Variants in PDE1A observed in about 807,000 individuals in gnomAD.
PDE1A encodes dual specificity calcium/calmodulin-dependent 3',5'-cyclic nucleotide phosphodiesterase 1A.
Under a neutral mutation model 61.7 loss-of-function variants are expected in PDE1A, and 35 were observed. The ratio of observed to expected loss-of-function variants is 0.57; its 90% CI spans 0.43 to 0.75. PDE1A has a LOEUF of 0.75. Among genes scored for constraint, PDE1A ranks in the 30% least tolerant of loss-of-function variants. PDE1A has a pLI of 0.00. For missense variants in PDE1A, 597 were observed against 630.6 expected, an observed-to-expected ratio of 0.95 and a Z score of 0.57; for synonymous variants, 232 against 213.2, an observed-to-expected ratio of 1.09 and a Z score of -0.77.
intron 2 of PDE1A, among the ~76,000 whole-genome samples, chr2:182,466,426 G>T (rs1245716306): frequency 6.6e-6 from 1 of 151,944 alleles, no homozygotes; most frequent in Non-Finnish European, 1.5e-5. Flanking sequence ...CCACCTCTCT[G>T]GGCTTTAGTT....
At chr2:182,607,005 C>T in the PDE1A span, among the ~76,000 whole-genome samples, 1 of 151,916 alleles carries the variant, frequency 6.6e-6, no homozygotes, top group Non-Finnish European at 1.5e-5. Context: ...CCCTGATGGT[C>T]TAGAATTAAG....
At chr2:182,223,416 C>T (rs556946306) in intron 7 of PDE1A, among the ~76,000 whole-genome samples, 1 of 152,100 alleles carries the variant, frequency 6.6e-6, no homozygotes, top group South Asian at 2.1e-4. Flanking sequence ...ATTTCATTTT[C>T]TAGTTATTTT....
intron 7 of PDE1A, among the ~76,000 whole-genome samples, chr2:182,207,570 A>G (rs1348508372): frequency 6.6e-6 from 1 of 152,256 alleles, no homozygotes; most frequent in Non-Finnish European, 1.5e-5. Flanking sequence ...AGCAGAGCAT[A>G]AAAGTTTAAA....
At chr2:182,381,978 T>G (rs1700764895) in intron 1 of PDE1A, among the ~76,000 whole-genome samples, 1 of 152,080 alleles carries the variant, frequency 6.6e-6, no homozygotes, top group Non-Finnish European at 1.5e-5. Context: ...TATACATTTC[T>G]GTAACAATTA....
At position 182,284,709 on chromosome 2, in the gene PDE1A, T is replaced by C. The variant is rs534628751; in HGVS notation, c.54-20295A>G. Among the ~76,000 whole-genome samples the C allele has an allele frequency of 2.0e-5, 3 of 152,108 alleles. No individual in the cohort carries two copies. The South Asian group carries it at 6.2e-4, about 32-fold the overall frequency. On this transcript the variant is annotated intron_variant, in intron 1 of 13. Transcript: ENST00000351439. ...TTAATAATAAGGACATAATATAAAATCCCCCTAAATTTTTAATCTTTTCTT... is the reference window on the plus strand; with the variant it reads ...TTAATAATAAGGACATAATATAAAACCCCCCTAAATTTTTAATCTTTTCTT...
intron 2 of PDE1A, among the ~76,000 whole-genome samples, chr2:182,442,250 T>A (rs1440670937): frequency 6.6e-6 from 1 of 151,974 alleles, no homozygotes; most frequent in Non-Finnish European, 1.5e-5. Flanking sequence ...ATACCAAACA[T>A]AACCAAAGTG....
At chr2:182,513,933 A>C (rs1388994905) in intron 2 of PDE1A, among the ~76,000 whole-genome samples, 1 of 152,256 alleles carries the variant, frequency 6.6e-6, no homozygotes, top group Non-Finnish European at 1.5e-5. Context: ...TGGAGCATCC[A>C]GATTCATAAA....
intron 2 of PDE1A, among the ~76,000 whole-genome samples, chr2:182,253,770 T>G (rs1006281008): frequency 6.6e-6 from 1 of 151,992 alleles, no homozygotes; most frequent in African/African-American, 2.4e-5. Flanking sequence ...AAGAGAAAAA[T>G]AGATGTTTGA....
chr2:182,244,134 T>C (rs2125704267), intron 2 of PDE1A, among the ~76,000 whole-genome samples: 1 of 152,328 alleles, frequency 6.6e-6, no homozygotes, highest in African/African-American at 2.4e-5. Context: ...CCCAAAGTGC[T>C]GGGATTACAG....
chr2:182,314,988 G>A (rs1696243137), intron 1 of PDE1A, among the ~76,000 whole-genome samples: 1 of 152,094 alleles, frequency 6.6e-6, no homozygotes, highest in African/African-American at 2.4e-5. Context: ...GTAAAGGTGA[G>A]GGTTTAGGGG....
chr2:182,278,676 G>A (rs1693605434), intron 1 of PDE1A, among the ~76,000 whole-genome samples: 1 of 151,938 alleles, frequency 6.6e-6, no homozygotes, highest in African/African-American at 2.4e-5. Context: ...AGTGATTCAT[G>A]TTGGTCCAAA....
Position 182,170,435 on chromosome 2 carries a change from C to T in PDE1A, c.1517-2145G>A, listed in dbSNP as rs113337549. On this transcript the variant is annotated intron_variant, in intron 13 of 13. Transcript: ENST00000351439. The stretch of plus-strand genomic sequence containing the variant: ...TTGTAAGCTCATTGGATAAATTGTG[C>T]TAAGATTAAACAGAAGTAGATTTGA... 1.7e-3 allele frequency among the ~76,000 whole-genome samples: 261 copies of T among 151,694 alleles called. 2 individuals are homozygous for T. The highest frequency in any genetic ancestry group is 0.014 in the Middle Eastern group (4 of 292).
At chr2:182,302,109 T>C (rs1695282048) in intron 1 of PDE1A, among the ~76,000 whole-genome samples, 1 of 152,150 alleles carries the variant, frequency 6.6e-6, no homozygotes, top group Non-Finnish European at 1.5e-5. Flanking sequence ...TGGATATTAA[T>C]AGTGGTAGGC....
intron 2 of PDE1A, among the ~76,000 whole-genome samples, chr2:182,501,571 C>T (rs769370047): frequency 6.6e-6 from 1 of 152,194 alleles, no homozygotes; most frequent in Non-Finnish European, 1.5e-5. Context: ...AATAAAATCT[C>T]CTACCATATA....
At chr2:182,377,459 C>G (rs1006054000) in intron 1 of PDE1A, among the ~76,000 whole-genome samples, 2 of 152,212 alleles carry the variant, frequency 1.3e-5, no homozygotes, top group African/African-American at 4.8e-5. Context: ...CCAATTAAAT[C>G]TCTTTTCCTA....
chr2:182,329,174 T>A (rs1216709184), intron 1 of PDE1A, among the ~76,000 whole-genome samples: 2 of 152,174 alleles, frequency 1.3e-5, no homozygotes, highest in African/African-American at 2.4e-5. Flanking sequence ...TGATTATATA[T>A]GGCTGTAAAA....
intron 2 of PDE1A, among the ~76,000 whole-genome samples, chr2:182,448,953 G>T (rs1262087975): frequency 1.3e-5 from 2 of 151,586 alleles, no homozygotes; most frequent in South Asian, 2.1e-4. Flanking sequence ...ATTTAAAATT[G>T]ATTCTTCTCT....
Position 182,385,675 on chromosome 2 carries a change from A to AAAAG in PDE1A, c.53+40899_53+40902dup, listed in dbSNP as rs139934813. Among the ~76,000 whole-genome samples the AAAAG allele has an allele frequency of 8.9e-5, 9 of 101,346 alleles. 1 individual carries two copies. The highest frequency in any genetic ancestry group is 5.1e-4 in the Admixed American group (5 of 9,798). 66.5% of individuals were successfully genotyped at this position (101,346 alleles called of 152,430 possible). ...AGAAAGAAAGAAGAAAAAAAGAAAG[A>AAAAG]AAAGAAAGAAAGAAAGAAAAAAGAA... On this transcript the variant is annotated intron_variant, in intron 1 of 13. Coordinates refer to ENST00000351439, the Ensembl canonical transcript of PDE1A.
the PDE1A span, among the ~76,000 whole-genome samples, chr2:182,600,321 G>A: frequency 6.6e-6 from 1 of 152,144 alleles, no homozygotes; most frequent in Non-Finnish European, 1.5e-5. Flanking sequence ...GAGCCATAGA[G>A]AGTACTCAAC....
Sources: allele counts gnomAD v4.1 joint callset (sites outside exome capture counted in the v4.1 genomes callset), GRCh38; gene constraint gnomAD v4.1.1; transcripts MANE v1.5; gene names NCBI Gene and HGNC (gene_info 2026-07-23, HGNC 2026-07-21).